Variants in OR6C1 observed in about 807,000 individuals in gnomAD.
The protein encoded by OR6C1 is olfactory receptor family 6 subfamily C member 1.
For missense variants in OR6C1, 386 were observed against 366.1 expected (o/e 1.05, Z -0.44); for synonymous variants, 157 against 133.3 (o/e 1.18, Z -1.22).
At chr12:55,314,928 G>T (rs1868385998) in intron 1 of OR6C1, among the ~76,000 whole-genome samples, 1 of 151,496 alleles carries the variant, frequency 6.6e-6, no homozygotes, top group African/African-American at 2.4e-5. Flanking sequence ...CTGAGCCTCA[G>T]CTCTTCTTTT....
chr12:55,318,260 GT>G (rs1356112314), intron 1 of OR6C1, among the ~76,000 whole-genome samples: 82 of 140,832 alleles, frequency 5.8e-4, no homozygotes, highest in African/African-American at 1.4e-3. Flanking sequence ...GTGTGTGTGT[GT>G]GTGGTGGTGG....
In OR6C1 at chr12:55,320,914, G is replaced by T; in HGVS notation, c.315G>T (p.Leu105Phe). 1 of 1,613,896 alleles carries T rather than the reference G, an allele frequency of 6.2e-7. No homozygotes were observed. The highest frequency in any genetic ancestry group is 8.5e-7 in the Non-Finnish European group (1 of 1,179,882). Residue 105 changes from leucine to phenylalanine, a missense_variant, in exon 2 of 2, where the codon TTG becomes TTT. Transcript: ENST00000642104. ...CIVQLFFFIL[L>F]GVTEFYLLAA... is the part of the protein sequence containing the mutation. ...TTCAGTTATTTTTCTTCATTCTCTT[G>T]GGAGTCACAGAGTTTTACCTTCTGG... is the stretch of plus-strand genomic sequence containing the variant.
At chr12:55,317,606 T>TTTAA (rs1009651762) in intron 1 of OR6C1, among the ~76,000 whole-genome samples, 7 of 151,894 alleles carry the variant, frequency 4.6e-5, no homozygotes, top group African/African-American at 1.7e-4. Context: ...CAAACTCAAC[T>TTTAA]TTAATTAATT....
intron 1 of OR6C1, among the ~76,000 whole-genome samples, chr12:55,318,606 T>C (rs1012170733): frequency 1.4e-5 from 2 of 148,096 alleles, no homozygotes; most frequent in African/African-American, 4.9e-5. Flanking sequence ...TTTATAAATA[T>C]ATATTATACA....
intron 1 of OR6C1, among the ~76,000 whole-genome samples, chr12:55,315,378 T>C (rs7308316): frequency 1.3e-5 from 2 of 151,484 alleles, no homozygotes; most frequent in Non-Finnish European, 3.0e-5. Flanking sequence ...TGTTAATTTA[T>C]GTCCTTTTCC....
Position 55,322,053 on chromosome 12 carries a change from A to C in OR6C1, c.*515A>C, listed in dbSNP as rs7136402. On this transcript the variant is annotated 3_prime_UTR_variant, in exon 2 of 2. Transcript: ENST00000642104. ...TCATTTTAATTAGGTATGTTGGTGAAATTAATCTATTAATAAAGGAGCCTA... is the reference window on the plus strand; with the variant it reads ...TCATTTTAATTAGGTATGTTGGTGACATTAATCTATTAATAAAGGAGCCTA... 0.16 allele frequency: 24,079 copies of C among 152,126 alleles called. 2,066 individuals carry two copies. Among genetic ancestry groups the C allele is most frequent in the African/African-American group, 0.19 (8,072 of 41,508 alleles). The allele number at this position is 152,126 out of a possible 1,614,324, so 9.4% of individuals were successfully genotyped here.
chr12:55,317,606 TTTAA>T (rs1009651762), intron 1 of OR6C1, among the ~76,000 whole-genome samples: 6 of 152,006 alleles, frequency 3.9e-5, no homozygotes, highest in East Asian at 1.9e-4. Flanking sequence ...CAAACTCAAC[TTTAA>T]TTAATTAATT....
At chr12:55,318,384 T>C (rs1172874409) in intron 1 of OR6C1, among the ~76,000 whole-genome samples, 1 of 151,858 alleles carries the variant, frequency 6.6e-6, no homozygotes, top group African/African-American at 2.4e-5. Flanking sequence ...CTATGAAACC[T>C]GGTGACTTTT....
rs1286135993 is a variant in OR6C1, at chr12:55,321,759, C to T, written c.*221C>T. On this transcript the variant is annotated 3_prime_UTR_variant, in exon 2 of 2. Coordinates refer to ENST00000642104, the MANE Select transcript of OR6C1 (RefSeq NM_001005182.2). ...GAACAATTTTTTGTAAAATTACAAG[C>T]TCTTCAAGAATATTTTGAAAACTAA... is the stretch of plus-strand genomic sequence containing the variant. The T allele has an allele frequency of 2.6e-6, 1 of 386,536 alleles. No individual in the cohort carries two copies. The highest frequency in any genetic ancestry group is 2.1e-5 in the African/African-American group (1 of 48,082). 23.9% of individuals were successfully genotyped at this position (386,536 alleles called of 1,614,324 possible). A position where few individuals can be genotyped will look rare whatever the true frequency, so the allele number is the denominator to read the frequency against.
chr12:55,318,232 G>A (rs993190839), intron 1 of OR6C1, among the ~76,000 whole-genome samples: 20 of 146,754 alleles, frequency 1.4e-4, no homozygotes, highest in Admixed American at 8.1e-4. Context: ...GTGTGTGTGT[G>A]TGTGTGTGTG....
intron 1 of OR6C1, among the ~76,000 whole-genome samples, chr12:55,318,271 G>A (rs1868449026): frequency 6.7e-6 from 1 of 149,834 alleles, no homozygotes; most frequent in Non-Finnish European, 1.5e-5. Flanking sequence ...TGTGGTGGTG[G>A]TGGTTATGAG....
At position 55,321,979 on chromosome 12, in the gene OR6C1, T is replaced by TA. The variant is rs1868575046; in HGVS notation, c.*447dup. 1 of 152,090 alleles carries TA rather than the reference T, an allele frequency of 6.6e-6. No individual in the cohort carries two copies. 9.4% of individuals were successfully genotyped at this position (152,090 alleles called of 1,614,324 possible). On this transcript the variant is annotated 3_prime_UTR_variant, in exon 2 of 2. Coordinates refer to ENST00000642104, the MANE Select transcript of OR6C1 (RefSeq NM_001005182.2). ...TATGTGAAAGATACAATATAATTTT[T>TA]AAAAAATGTAAGTGAATTCATTTGA...
intron 1 of OR6C1, among the ~76,000 whole-genome samples, chr12:55,320,341 T>C (rs2120448326): frequency 6.6e-6 from 1 of 152,300 alleles, no homozygotes; most frequent in Non-Finnish European, 1.5e-5. Context: ...ATTCCTGCCC[T>C]ACCACTTCCA....
In OR6C1 at chr12:55,320,909, C is replaced by T. The variant is rs1385784550; in HGVS notation, c.310C>T (p.Leu104Phe). 1 of 1,613,916 alleles carries T rather than the reference C, an allele frequency of 6.2e-7. No individual in the cohort carries two copies. Among genetic ancestry groups the T allele is most frequent in the Non-Finnish European group, 8.5e-7 (1 of 1,179,870 alleles). Residue 104 changes from leucine (L) to phenylalanine (F), a missense_variant, in exon 2 of 2, where the codon CTC becomes TTC. Leu to Phe is a conservative substitution (Grantham distance 22). Coordinates refer to ENST00000642104, the MANE Select transcript of OR6C1 (RefSeq NM_001005182.2). ...NCIVQLFFFI[L>F]LGVTEFYLLA... The stretch of plus-strand genomic sequence containing the variant: ...CATAGTTCAGTTATTTTTCTTCATT[C>T]TCTTGGGAGTCACAGAGTTTTACCT...
Position 55,320,884 on chromosome 12 carries a change from C to A in OR6C1, c.285C>A (p.Cys95Ter). ...ATAAAACCATTTCCTTTAATAATTGCATAGTTCAGTTATTTTTCTTCATTC... is the reference window on the plus strand; with the variant it reads ...ATAAAACCATTTCCTTTAATAATTGAATAGTTCAGTTATTTTTCTTCATTC... ...SGDKTISFNNCIVQLFFFILL... is the reference protein window; with the variant it reads ...SGDKTISFNN The change falls in exon 2 of 2, where the codon TGC (cysteine) becomes TGA (stop). Residue 95 changes from cysteine to a stop codon, truncating the protein, a stop_gained. Coordinates refer to ENST00000642104, the MANE Select transcript of OR6C1 (RefSeq NM_001005182.2). LOFTEE classifies it low-confidence loss of function (END_TRUNC). The A allele has an allele frequency of 6.2e-7, 1 of 1,613,742 alleles. No individual in the cohort carries two copies. The highest frequency in any genetic ancestry group is 8.5e-7 in the Non-Finnish European group (1 of 1,179,722).
Position 55,321,032 on chromosome 12 carries a change from A to T in OR6C1, c.433A>T (p.Thr145Ser), listed in dbSNP as rs1273095406. 7 of 1,613,454 alleles carry T rather than the reference A, an allele frequency of 4.3e-6. No homozygotes were observed. Among genetic ancestry groups the T allele is most frequent in the Non-Finnish European group, 5.9e-6 (7 of 1,179,784 alleles). ...NRRVCTLLVF[T>S]SWLVSFLIIF... ...AAGAGTCTGCACACTGCTTGTTTTT[A>T]CTTCTTGGCTGGTTTCATTCTTAAT... Residue 145 changes from threonine to serine, a missense_variant, in exon 2 of 2, where the codon ACT becomes TCT. By Grantham distance (58) the Thr-to-Ser change is moderately conservative. Transcript: ENST00000642104.
chr12:55,319,871 T>C (rs943962152), intron 1 of OR6C1, among the ~76,000 whole-genome samples: 1 of 152,200 alleles, frequency 6.6e-6, no homozygotes, highest in Non-Finnish European at 1.5e-5. Flanking sequence ...CCAGTTGCAG[T>C]GGCTCATGCC....
intron 1 of OR6C1, among the ~76,000 whole-genome samples, chr12:55,318,879 T>C (rs1868466921): frequency 6.6e-6 from 1 of 151,556 alleles, no homozygotes; most frequent in Non-Finnish European, 1.5e-5. Context: ...CAAAACTAGA[T>C]AACCTCACTC....
Position 55,320,740 on chromosome 12 carries a change from C to A in OR6C1, c.141C>A (p.Thr47=). Residue 47 remains threonine (T), a synonymous_variant, in exon 2 of 2, where the codon ACC becomes ACA. Coordinates refer to ENST00000642104, the MANE Select transcript of OR6C1 (RefSeq NM_001005182.2). Reference sequence around the variant, plus strand: ...GGAACCTGACCCTTATCACAATTACCCTGCTGGATTCCCACCTGCAGACCC... The same window carrying A: ...GGAACCTGACCCTTATCACAATTACACTGCTGGATTCCCACCTGCAGACCC... The part of the protein sequence containing the change: ...ITGNLTLITI[T]LLDSHLQTPM... 1 of 1,614,040 alleles carries A rather than the reference C, an allele frequency of 6.2e-7. No individual in the cohort carries two copies. The highest frequency in any genetic ancestry group is 1.1e-5 in the South Asian group (1 of 91,066).
Sources: allele counts gnomAD v4.1 joint callset (sites outside exome capture counted in the v4.1 genomes callset), GRCh38; gene constraint gnomAD v4.1.1; transcripts MANE v1.5; gene names NCBI Gene and HGNC (gene_info 2026-07-23, HGNC 2026-07-21).